FBXL17: variants seen among roughly 807,000 people sequenced by gnomAD.
The protein encoded by FBXL17 is F-box and leucine rich repeat protein 17.
Under a neutral mutation model 66.2 loss-of-function variants are expected in FBXL17, and 22 were observed. The observed-to-expected ratio is 0.33, with a 90% CI of 0.24 to 0.47. The LOEUF (loss-of-function observed/expected upper bound fraction) is 0.47, where lower values mean the gene tolerates loss of function less well. Among genes scored for constraint, FBXL17 ranks in the 20% least tolerant of loss-of-function variants. FBXL17 has a pLI of 1.00. For synonymous variants in FBXL17, 474 were observed against 400.5 expected, an observed-to-expected ratio of 1.18 and a Z score of -2.19; for missense variants, 878 against 948.2, an observed-to-expected ratio of 0.93 and a Z score of 0.97.
At chr5:108,072,560 T>C (rs1195088075) in intron 6 of FBXL17, among the ~76,000 whole-genome samples, 2 of 152,140 alleles carry the variant, frequency 1.3e-5, no homozygotes, top group African/African-American at 4.8e-5. Flanking sequence ...TTAAAAAAAT[T>C]AGCCGGGCGT....
At chr5:108,358,877 A>G (rs1165407374) in intron 3 of FBXL17, among the ~76,000 whole-genome samples, 1 of 151,630 alleles carries the variant, frequency 6.6e-6, no homozygotes, top group Non-Finnish European at 1.5e-5. Flanking sequence ...ATATATTCCA[A>G]TTTTCTACCT....
intron 4 of FBXL17, among the ~76,000 whole-genome samples, chr5:108,332,888 G>A (rs193098803): frequency 1.4e-5 from 2 of 138,050 alleles, no homozygotes; most frequent in African/African-American, 2.7e-5. Flanking sequence ...GATTACAGGC[G>A]TGAGCCAAGT....
intron 6 of FBXL17, among the ~76,000 whole-genome samples, chr5:108,044,632 G>C (rs747661420): frequency 5.3e-5 from 8 of 151,982 alleles, no homozygotes; most frequent in Non-Finnish European, 1.0e-4. Flanking sequence ...TGCTCAGCAG[G>C]GTAATATTAA....
chr5:108,145,729 T>G (rs1306903527), intron 6 of FBXL17, among the ~76,000 whole-genome samples: 1 of 151,940 alleles, frequency 6.6e-6, no homozygotes, highest in African/African-American at 2.4e-5. Context: ...GAACTTTAAG[T>G]GGCTAGGTCA....
intron 6 of FBXL17, among the ~76,000 whole-genome samples, chr5:108,116,468 T>C (rs1052667482): frequency 2.7e-5 from 4 of 146,646 alleles, no homozygotes; most frequent in African/African-American, 1.0e-4. Context: ...TGAAACCCTG[T>C]CTCTACTAAA....
rs192582044 is a variant in FBXL17, at chr5:108,368,340, T to C, written c.994-387A>G. On this transcript the variant is annotated intron_variant, in intron 1 of 8. Transcript: ENST00000542267. ...GAAGAAAGAGTGATAAACTTGAGAT[T>C]ATTCTGAAGTTTTACAGTTTGACCT... 3.7e-4 allele frequency among the ~76,000 whole-genome samples: 56 copies of C among 152,122 alleles called. No homozygotes were observed. In the Middle Eastern group the frequency reaches 0.01, roughly 28 times the overall value.
intron 4 of FBXL17, among the ~76,000 whole-genome samples, chr5:108,231,758 G>A (rs1377621101): frequency 1.3e-5 from 2 of 152,152 alleles, no homozygotes; most frequent in Non-Finnish European, 1.5e-5. Context: ...GGACTATCAA[G>A]ATGAACTCAG....
intron 4 of FBXL17, among the ~76,000 whole-genome samples, chr5:108,319,015 A>T (rs1217475807): frequency 1.3e-5 from 2 of 151,914 alleles, no homozygotes; most frequent in Non-Finnish European, 2.9e-5. Flanking sequence ...CACATGGAGC[A>T]TTCTGCTTTG....
chr5:107,953,243 A>G (rs1005398271), intron 7 of FBXL17, among the ~76,000 whole-genome samples: 1 of 151,974 alleles, frequency 6.6e-6, no homozygotes. Context: ...TCTACTAAAA[A>G]TACAAAAAAA....
chr5:108,063,925 A>G (rs1283058698), intron 6 of FBXL17, among the ~76,000 whole-genome samples: 1 of 152,168 alleles, frequency 6.6e-6, no homozygotes, highest in Non-Finnish European at 1.5e-5. Flanking sequence ...TTTTCATATT[A>G]TCTCTTGGAG....
chr5:107,970,360 T>C (rs1219416982), intron 7 of FBXL17, among the ~76,000 whole-genome samples: 1 of 152,130 alleles, frequency 6.6e-6, no homozygotes, highest in Non-Finnish European at 1.5e-5. Flanking sequence ...ACATTGCATA[T>C]ACAGCAAAAC....
intron 4 of FBXL17, among the ~76,000 whole-genome samples, chr5:108,259,288 G>C (rs908801643): frequency 6.6e-6 from 1 of 152,154 alleles, no homozygotes; most frequent in African/African-American, 2.4e-5. Context: ...TGATGGTTTT[G>C]TGGAAATCTT....
intron 6 of FBXL17, among the ~76,000 whole-genome samples, chr5:108,121,470 T>C (rs955462211): frequency 1.3e-5 from 2 of 152,184 alleles, no homozygotes; most frequent in Non-Finnish European, 2.9e-5. Flanking sequence ...TTCTAAGTTA[T>C]ACAGAATGAG....
intron 8 of FBXL17, among the ~76,000 whole-genome samples, chr5:107,866,928 CAG>C: frequency 6.6e-6 from 1 of 152,250 alleles, no homozygotes; most frequent in African/African-American, 2.4e-5. Flanking sequence ...CTCTATGAGA[CAG>C]ATATTCTTGC....
intron 7 of FBXL17, among the ~76,000 whole-genome samples, chr5:107,971,890 C>A (rs1401118222): frequency 1.3e-5 from 2 of 152,192 alleles, no homozygotes; most frequent in African/African-American, 4.8e-5. Flanking sequence ...GATGCCTCCA[C>A]TGTATCCCAT....
At chr5:108,369,385 C>T (rs1266468350) in intron 1 of FBXL17, among the ~76,000 whole-genome samples, 2 of 152,116 alleles carry the variant, frequency 1.3e-5, no homozygotes, top group Non-Finnish European at 2.9e-5. Flanking sequence ...CTAGGCTGTG[C>T]CCAACCACCT....
chr5:108,317,617 C>T (rs1759431029), intron 4 of FBXL17, among the ~76,000 whole-genome samples: 2 of 151,054 alleles, frequency 1.3e-5, no homozygotes, highest in South Asian at 4.1e-4. Flanking sequence ...ATATAATACA[C>T]TAAAGGTTAA....
At chr5:108,375,357 C>T (rs1247764267) in intron 1 of FBXL17, among the ~76,000 whole-genome samples, 1 of 112,912 alleles carries the variant, frequency 8.9e-6, no homozygotes, top group African/African-American at 3.2e-5. Flanking sequence ...GCCTGGGTGA[C>T]AGAGACCCTG....
At chr5:108,197,023 A>G (rs1251806713) in intron 5 of FBXL17, among the ~76,000 whole-genome samples, 9 of 152,262 alleles carry the variant, frequency 5.9e-5, no homozygotes, top group Admixed American at 1.3e-4. Context: ...CAATATACCA[A>G]TTCAGAATGG....
Sources: gnomAD v4.1 joint callset for allele counts (sites outside exome capture counted in the v4.1 genomes callset) on GRCh38, gnomAD v4.1.1 for gene constraint, MANE v1.5 for transcripts, NCBI Gene and HGNC (gene_info 2026-07-23, HGNC 2026-07-21) for gene names.